TTLL11: variants seen among roughly 807,000 people sequenced by gnomAD.
The protein encoded by TTLL11 is tubulin polyglutamylase TTLL11.
TTLL11 carries 42 observed loss-of-function variants against 51.7 expected under a neutral mutation model. That is an observed-to-expected ratio of 0.81 (90% confidence interval 0.64 to 1.05). TTLL11 has a LOEUF of 1.05. Ranked by LOEUF, TTLL11 falls within the 50% of genes least tolerant of loss-of-function variation. TTLL11 has a pLI of 0.00. For synonymous variants in TTLL11, 381 were observed against 383.5 expected (o/e 0.99, Z 0.08); for missense variants, 799 against 940.4 (o/e 0.85, Z 1.97).
chr9:121,865,259 G>A (rs1026514502), intron 7 of TTLL11, among the ~76,000 whole-genome samples: 55 of 151,998 alleles, frequency 3.6e-4, no homozygotes, highest in African/African-American at 1.2e-3. Context: ...AAAGCCCCCC[G>A]CAGCTACCCA....
Position 121,870,694 on chromosome 9 carries a change from C to T in TTLL11, c.1536G>A (p.Glu512=). ...FAGKEDALDG[E]LTSAPDCNAN... The stretch of plus-strand genomic sequence containing the variant: ...CGTTGCAGTCTGGAGCACTGGTCAG[C>T]TCGCCGTCCAAAGCATCTTCCTTTC... Residue 512 remains glutamate, a synonymous_variant, in exon 7 of 9, where the codon GAG becomes GAA. Transcript: ENST00000321582. 1 of 1,551,534 alleles carries T rather than the reference C, an allele frequency of 6.4e-7. No homozygotes were observed. The highest frequency in any genetic ancestry group is 8.7e-7 in the Non-Finnish European group (1 of 1,146,848).
intron 8 of TTLL11, among the ~76,000 whole-genome samples, chr9:121,836,206 G>A (rs1311171151): frequency 3.9e-5 from 6 of 152,130 alleles, no homozygotes; most frequent in Non-Finnish European, 8.8e-5. Context: ...ATTTGTCTTG[G>A]GCTCTGTGTG....
chr9:121,905,790 A>T (rs1294663974), intron 6 of TTLL11, among the ~76,000 whole-genome samples: 1 of 152,164 alleles, frequency 6.6e-6, no homozygotes, highest in Non-Finnish European at 1.5e-5. Context: ...GGATGAACCT[A>T]TTTGTGCAAA....
intron 8 of TTLL11, among the ~76,000 whole-genome samples, chr9:121,845,808 A>T (rs1417978529): frequency 2.0e-5 from 3 of 152,222 alleles, no homozygotes; most frequent in African/African-American, 7.2e-5. Flanking sequence ...GTGGAATTAT[A>T]CAAAATTCTC....
intron 3 of TTLL11, among the ~76,000 whole-genome samples, chr9:121,993,055 C>T (rs1303820391): frequency 6.6e-6 from 1 of 151,486 alleles, no homozygotes; most frequent in African/African-American, 2.4e-5. Context: ...TAAGAATGCA[C>T]TTATATGAGG....
At chr9:121,852,353 C>T (rs1837686238) in intron 8 of TTLL11, among the ~76,000 whole-genome samples, 1 of 152,190 alleles carries the variant, frequency 6.6e-6, no homozygotes, top group African/African-American at 2.4e-5. Flanking sequence ...CCCAGAGGTG[C>T]AGTGCCCCCT....
At chr9:121,877,403 T>G (rs995859937) in intron 6 of TTLL11, among the ~76,000 whole-genome samples, 1 of 152,074 alleles carries the variant, frequency 6.6e-6, no homozygotes, top group Non-Finnish European at 1.5e-5. Flanking sequence ...GAAGGGAAGG[T>G]GATAGACTCT....
chr9:122,046,313 T>C lies in TTLL11; in HGVS notation c.463-6945A>G, dbSNP rs976465377. ...CTCTCTCTTCCTCCTGCTCCAGCCA[T>C]GTAAGACACCTCCTTCCTGTTTGCC... On this transcript the variant is annotated intron_variant, in intron 1 of 8. Coordinates refer to ENST00000321582, the MANE Select transcript of TTLL11 (RefSeq NM_001139442.2). Among the ~76,000 whole-genome samples, 4 of 152,276 alleles carry C rather than the reference T, an allele frequency of 2.6e-5. No individual in the cohort carries two copies. The South Asian group carries it at 6.2e-4, about 24-fold the overall frequency.
chr9:122,008,565 T>A (rs1193967041), intron 3 of TTLL11, among the ~76,000 whole-genome samples: 9 of 152,316 alleles, frequency 5.9e-5, no homozygotes, highest in African/African-American at 2.2e-4. Flanking sequence ...AAAGACATGA[T>A]CTTGGCGATG....
intron 4 of TTLL11, among the ~76,000 whole-genome samples, chr9:121,976,979 G>C (rs954786789): frequency 1.3e-5 from 2 of 152,230 alleles, no homozygotes; most frequent in African/African-American, 4.8e-5. Context: ...GAGAGCAGCA[G>C]GCTGTGGTGA....
Position 121,989,814 on chromosome 9 carries a change from T to C in TTLL11, c.694-44A>G, listed in dbSNP as rs1203835837. 1.3e-6 allele frequency: 2 copies of C among 1,547,020 alleles called. No homozygotes were observed. Among genetic ancestry groups the C allele is most frequent in the African/African-American group, 2.7e-5 (2 of 72,982 alleles). On this transcript the variant is annotated intron_variant, in intron 3 of 8. Coordinates refer to ENST00000321582, the MANE Select transcript of TTLL11 (RefSeq NM_001139442.2). The surrounding 1 kb of genome is among the most constrained non-coding windows in gnomAD (Gnocchi z 4.2). ...ATGGCCGACATTATATTGTTTTCCC[T>C]CTGGATCCCTAACACAGAGCAAGGC...
chr9:121,906,757 T>G (rs1321926206), intron 6 of TTLL11, among the ~76,000 whole-genome samples: 1 of 152,174 alleles, frequency 6.6e-6, no homozygotes. Flanking sequence ...TTCTAAAATT[T>G]CAGTGGTTCC....
intron 6 of TTLL11, among the ~76,000 whole-genome samples, chr9:121,958,624 C>T (rs1036883369): frequency 3.3e-5 from 5 of 152,266 alleles, no homozygotes; most frequent in South Asian, 2.1e-4. Context: ...CACAGGTAAC[C>T]GTTTCCATGA....
chr9:121,890,375 A>T lies in TTLL11; in HGVS notation c.1482-19627T>A, dbSNP rs988389196. ...CCTGAACTTCAACAGCCTCTTCACC[A>T]GTTTCCTGGCTCGCAACCTCCGCTT... On this transcript the variant is annotated intron_variant, in intron 6 of 8. Transcript: ENST00000321582. This position sits in a 1 kb window ranked among gnomAD's most constrained non-coding sequence, Gnocchi z 4.3. Among the ~76,000 whole-genome samples the T allele has an allele frequency of 6.6e-5, 10 of 152,166 alleles. No homozygotes were observed. The highest frequency in any genetic ancestry group is 2.2e-4 in the African/African-American group (9 of 41,442).
intron 4 of TTLL11, among the ~76,000 whole-genome samples, chr9:121,975,310 T>C (rs1445202948): frequency 6.6e-6 from 1 of 152,204 alleles, no homozygotes; most frequent in Non-Finnish European, 1.5e-5. Flanking sequence ...CTCTGCCTTT[T>C]CTTCTGCTCT....
At chr9:122,038,846 AC>A in intron 2 of TTLL11, among the ~76,000 whole-genome samples, 1 of 152,262 alleles carries the variant, frequency 6.6e-6, no homozygotes. Context: ...TAATATGGAG[AC>A]CAGTATATTT....
chr9:122,087,613 T>C (rs920473129), intron 1 of TTLL11, among the ~76,000 whole-genome samples: 2 of 152,170 alleles, frequency 1.3e-5, no homozygotes, highest in African/African-American at 4.8e-5. Context: ...TCACATTAGC[T>C]GGTGGCCATG....
Position 121,817,328 on chromosome 9 carries a change from T to A in TTLL11, c.*5259A>T, listed in dbSNP as rs1259263526. On this transcript the variant is annotated 3_prime_UTR_variant, in exon 9 of 9. Transcript: ENST00000321582. Reference sequence around the variant, plus strand: ...GGAGGGCAGGAGGAGCTGACCAGTGTGGTTTCATCTGTCTTGATGGATAAC... The same window carrying A: ...GGAGGGCAGGAGGAGCTGACCAGTGAGGTTTCATCTGTCTTGATGGATAAC... The A allele has an allele frequency of 6.6e-6, 1 of 152,188 alleles. No individual in the cohort carries two copies. The highest frequency in any genetic ancestry group is 2.4e-5 in the African/African-American group (1 of 41,428). 9.4% of individuals were successfully genotyped at this position (152,188 alleles called of 1,614,324 possible).
At chr9:121,869,106 T>C (rs1299415786) in intron 7 of TTLL11, among the ~76,000 whole-genome samples, 1 of 152,206 alleles carries the variant, frequency 6.6e-6, no homozygotes, top group African/African-American at 2.4e-5. Flanking sequence ...GCCTGTCCTC[T>C]TTCCACTGGG....
Sources: gnomAD v4.1 joint callset for allele counts (sites outside exome capture counted in the v4.1 genomes callset) on GRCh38, gnomAD v4.1.1 for gene constraint, Gnocchi (gnomAD v3.1) non-coding constraint, MANE v1.5 for transcripts, NCBI Gene and HGNC (gene_info 2026-07-23, HGNC 2026-07-21) for gene names.